The following MARCHF6 variants were observed in gnomAD, a reference collection of about 807,000 sequenced individuals.
The protein encoded by MARCHF6 is membrane associated ring-CH-type finger 6, also known as E3 ubiquitin-protein ligase MARCHF6.
A neutral mutation model predicts 133.7 loss-of-function variants in MARCHF6; 31 were observed. That is an observed-to-expected ratio of 0.23 (90% CI 0.17 to 0.31). The LOEUF is 0.31. MARCHF6 is among the 10% of genes least tolerant of loss of function. The pLI is 1.00. For missense variants in MARCHF6, 723 were observed against 1,121.6 expected (o/e 0.64, Z 5.08); for synonymous variants, 395 against 402.5 (o/e 0.98, Z 0.22).
intron 1 of MARCHF6, among the ~76,000 whole-genome samples, chr5:10,376,308 C>G (rs1409182864): frequency 1.3e-5 from 2 of 151,914 alleles, no homozygotes; most frequent in Non-Finnish European, 2.9e-5. Flanking sequence ...GACGCGCTGC[C>G]TTAAGAGCTG....
chr5:10,434,528 A>G lies in MARCHF6; in HGVS notation c.*844A>G, dbSNP rs1740520014. On this transcript the variant is annotated 3_prime_UTR_variant, in exon 26 of 26. Coordinates refer to ENST00000274140, the MANE Select transcript of MARCHF6 (RefSeq NM_005885.4). ...CCACATCCTCTCTTTTCCACACACA[A>G]CTATCTGTTTATTTTTTGTAGCAGT... 7.9e-6 allele frequency: 1 copy of G among 127,242 alleles called. No individual in the cohort carries two copies. The highest frequency in any genetic ancestry group is 3.1e-5 in the African/African-American group (1 of 32,752). 7.9% of individuals were successfully genotyped at this position (127,242 alleles called of 1,614,324 possible). A position where few individuals can be genotyped will look rare whatever the true frequency, so the allele number is the denominator to read the frequency against.
At chr5:10,413,970 T>A in intron 19 of MARCHF6, among the ~76,000 whole-genome samples, 1 of 152,342 alleles carries the variant, frequency 6.6e-6, no homozygotes, top group East Asian at 1.9e-4. Context: ...AAGTTAAAAA[T>A]TTCATTACTC....
intron 22 of MARCHF6, 120 bp downstream of exon 22, chr5:10,417,524 CTGCT>C: frequency 7.8e-7 from 1 of 1,285,428 alleles, no homozygotes; most frequent in Non-Finnish European, 1.1e-6. Context: ...GGTGGGAGGA[CTGCT>C]TGCACCCAGG....
chr5:10,379,113 C>T (rs1424457086), intron 3 of MARCHF6, among the ~76,000 whole-genome samples: 5 of 151,408 alleles, frequency 3.3e-5, no homozygotes, highest in African/African-American at 1.2e-4. Flanking sequence ...TAGACAGGTT[C>T]GAACACATGC....
intron 25 of MARCHF6, among the ~76,000 whole-genome samples, chr5:10,430,337 C>T (rs547461852): frequency 3.8e-4 from 51 of 134,746 alleles, no homozygotes; most frequent in Non-Finnish European, 1.7e-4. Flanking sequence ...GACGGAGTCT[C>T]GCTCTGTTGC....
intron 1 of MARCHF6, among the ~76,000 whole-genome samples, chr5:10,358,017 G>A (rs562256303): frequency 1.4e-5 from 2 of 148,126 alleles, no homozygotes; most frequent in South Asian, 2.2e-4. Flanking sequence ...ACCCAGGCTG[G>A]AGTGCAGTGG....
chr5:10,386,905 G>A (rs971219581), intron 4 of MARCHF6, 89 bp from the exon 5 acceptor site: 2 of 889,404 alleles, frequency 2.2e-6, no homozygotes, highest in Admixed American at 3.5e-5. Context: ...GGCATTTGTG[G>A]CGTTCCACTT....
At chr5:10,371,390 A>G (rs1478026554) in intron 1 of MARCHF6, among the ~76,000 whole-genome samples, 1 of 152,202 alleles carries the variant, frequency 6.6e-6, no homozygotes, top group Non-Finnish European at 1.5e-5. Flanking sequence ...AGACTGGGCA[A>G]TTTACAAAAG....
chr5:10,386,096 T>C (rs1200764267), intron 4 of MARCHF6, among the ~76,000 whole-genome samples: 1 of 152,140 alleles, frequency 6.6e-6, no homozygotes, highest in Non-Finnish European at 1.5e-5. Flanking sequence ...TCCATTTACC[T>C]ATCTAAACAT....
intron 1 of MARCHF6, among the ~76,000 whole-genome samples, chr5:10,375,458 G>A (rs898429181): frequency 6.6e-6 from 1 of 152,242 alleles, no homozygotes; most frequent in Non-Finnish European, 1.5e-5. Flanking sequence ...ATGGGCTCCT[G>A]TGCGGCCCGA....
chr5:10,362,432 AC>A (rs2126647160), intron 1 of MARCHF6, among the ~76,000 whole-genome samples: 1 of 152,218 alleles, frequency 6.6e-6, no homozygotes, highest in Non-Finnish European at 1.5e-5. Context: ...TTGTCCCAAG[AC>A]CCCTTTACAT....
chr5:10,408,503 G>T (rs1739037830), intron 17 of MARCHF6, among the ~76,000 whole-genome samples: 1 of 152,090 alleles, frequency 6.6e-6, no homozygotes, highest in Non-Finnish European at 1.5e-5. Context: ...GCAAGCATTT[G>T]ATATTCTTTT....
intron 4 of MARCHF6, 76 bp downstream of exon 4, chr5:10,382,019 ATAT>A: frequency 7.4e-7 from 1 of 1,356,950 alleles, no homozygotes; most frequent in Non-Finnish European, 1.0e-6. Flanking sequence ...ATATTGCATC[ATAT>A]TATTATTTGA....
At chr5:10,419,391 TC>T (rs1739709388) in intron 22 of MARCHF6, among the ~76,000 whole-genome samples, 1 of 152,210 alleles carries the variant, frequency 6.6e-6, no homozygotes, top group Admixed American at 6.5e-5. Context: ...ATGTAAATGT[TC>T]CGAGCGCATT....
intron 19 of MARCHF6, among the ~76,000 whole-genome samples, 159 bp downstream of exon 19, chr5:10,411,696 T>C (rs993162048): frequency 1.3e-5 from 2 of 152,222 alleles, no homozygotes; most frequent in African/African-American, 4.8e-5. Flanking sequence ...TTAGGTAAGT[T>C]TATCAAATTT....
intron 15 of MARCHF6, among the ~76,000 whole-genome samples, chr5:10,405,031 A>T (rs1435645213): frequency 2.0e-5 from 3 of 152,126 alleles, no homozygotes; most frequent in African/African-American, 7.2e-5. Context: ...ACACACTGTA[A>T]CCCCTTGTTT....
Position 10,433,648 on chromosome 5 carries a change from C to T in MARCHF6, c.2697C>T (p.Gly899=). Residue 899 remains glycine, a synonymous_variant, in exon 26 of 26, where the codon GGC becomes GGT. Coordinates refer to ENST00000274140, the MANE Select transcript of MARCHF6 (RefSeq NM_005885.4). ...VNYERKSGKQ[G]SSPPPPQSSQ... The stretch of plus-strand genomic sequence containing the variant: ...ACGAACGGAAATCTGGCAAACAAGG[C>T]TCATCTCCACCACCTCCACAGTCAT... 6.2e-7 allele frequency: 1 copy of T among 1,614,228 alleles called. No homozygotes were observed. The highest frequency in any genetic ancestry group is 1.6e-4 in the Middle Eastern group (1 of 6,062).
chr5:10,417,320 C>T lies in MARCHF6; in HGVS notation c.2199C>T (p.Leu733=). 6.2e-7 allele frequency: 1 copy of T among 1,614,124 alleles called. No homozygotes were observed. The highest frequency in any genetic ancestry group is 8.5e-7 in the Non-Finnish European group (1 of 1,180,026). The change falls in exon 22 of 26, where the codon CTC becomes CTT. Residue 733 remains leucine (L), a synonymous_variant. Transcript: ENST00000274140. ...VAVLLAGVVP[L]LLGLLFELVI... is the part of the protein sequence containing the mutation. The stretch of plus-strand genomic sequence containing the variant: ...TGCTGTTGGCTGGAGTTGTCCCTCT[C>T]CTTCTGGGGCTCCTGTTTGAGCTGG...
intron 19 of MARCHF6, among the ~76,000 whole-genome samples, chr5:10,412,566 TA>T (rs748680611): frequency 1.3e-5 from 2 of 152,072 alleles, no homozygotes; most frequent in Non-Finnish European, 2.9e-5. Context: ...GAATTGCAGA[TA>T]AGAGAGTTGT....
Sources: allele counts gnomAD v4.1 joint callset (sites outside exome capture counted in the v4.1 genomes callset), GRCh38; gene constraint gnomAD v4.1.1; transcripts MANE v1.5; gene names NCBI Gene and HGNC (gene_info 2026-07-23, HGNC 2026-07-21).